Variants in NR1I2 observed in about 807,000 individuals in gnomAD.
The protein encoded by NR1I2 is nuclear receptor subfamily 1 group I member 2.
Under a neutral mutation model 43.3 loss-of-function variants are expected in NR1I2, and 42 were observed. The observed-to-expected ratio is 0.97, with a 90% confidence interval of 0.76 to 1.26. The LOEUF (loss-of-function observed/expected upper bound fraction) is 1.26. NR1I2 is among the 50% of genes most tolerant of loss of function. The probability of loss-of-function intolerance (pLI) is 0.00; values close to 1 mark genes in which losing one functional copy is unlikely to be tolerated. For missense variants in NR1I2, 559 were observed against 566.7 expected, an observed-to-expected ratio of 0.99 and a Z score of 0.14; for synonymous variants, 229 against 215.0, an observed-to-expected ratio of 1.06 and a Z score of -0.57.
chr3:119,792,559 C>A, intron 1 of NR1I2: 1 of 923,752 alleles, frequency 1.1e-6, no homozygotes, highest in Admixed American at 2.0e-5. Context: ...AGTGAGGGCC[C>A]ACCCTGCCTG....
chr3:119,807,775 T>G (rs541278692), intron 2 of NR1I2, among the ~76,000 whole-genome samples: 9 of 152,292 alleles, frequency 5.9e-5, no homozygotes, highest in Admixed American at 5.9e-4. Flanking sequence ...CTGGGGTGGT[T>G]GTTACATAAA....
intron 1 of NR1I2, among the ~76,000 whole-genome samples, chr3:119,788,586 T>C (rs575129738): frequency 6.6e-6 from 1 of 152,094 alleles, no homozygotes; most frequent in Non-Finnish European, 1.5e-5. Context: ...TACAGGCACA[T>C]GTCACCACAC....
chr3:119,811,317 G>T, intron 3 of NR1I2: 1 of 540,524 alleles, frequency 1.9e-6, no homozygotes, highest in Non-Finnish European at 3.3e-6. Flanking sequence ...CACTGCAGAG[G>T]GCAAAACACC....
In NR1I2 at chr3:119,817,067, G is replaced by A; in HGVS notation, c.1161-1G>A. 1 of 1,614,176 alleles carries A rather than the reference G, an allele frequency of 6.2e-7. No homozygotes were observed. The highest frequency in any genetic ancestry group is 8.5e-7 in the Non-Finnish European group (1 of 1,180,024). On this transcript the variant is annotated splice_acceptor_variant, in intron 8 of 8. Transcript: ENST00000393716. LOFTEE classifies it high-confidence loss of function. The stretch of plus-strand genomic sequence containing the variant: ...CAATCTTTTCTCTGGCTGGCATGCA[G>A]GTTCTTGTTCCTGAAGATCATGGCT...
At chr3:119,789,504 C>CA (rs1243274232) in intron 1 of NR1I2, among the ~76,000 whole-genome samples, 5 of 152,222 alleles carry the variant, frequency 3.3e-5, no homozygotes, top group African/African-American at 1.2e-4. Flanking sequence ...TATTCACTGC[C>CA]ATGAGAACAG....
At chr3:119,799,164 C>T (rs1386856460) in intron 1 of NR1I2, among the ~76,000 whole-genome samples, 2 of 152,196 alleles carry the variant, frequency 1.3e-5, no homozygotes, top group Non-Finnish European at 2.9e-5. Flanking sequence ...GCTAGCAGTG[C>T]ATAAGGGCTC....
At chr3:119,809,983 A>G (rs1368099858) in intron 2 of NR1I2, 78 bp from the exon 3 acceptor site, 13 of 1,579,268 alleles carry the variant, frequency 8.2e-6, no homozygotes, top group South Asian at 2.2e-5. Flanking sequence ...CTGGGGAGGG[A>G]GGTGGTATGG....
chr3:119,812,700 T>C lies in NR1I2; in HGVS notation c.534T>C (p.Leu178=), dbSNP rs1220402715. The C allele has an allele frequency of 1.2e-6, 2 of 1,614,012 alleles. No individual in the cohort carries two copies. ...ATGTGTCCTAGCTGCCAGGGGTGCT[T>C]AGCAGTGGCTGCGAGTTGCCAGAGT... is the stretch of plus-strand genomic sequence containing the variant. The change falls in exon 5 of 9, where the codon CTT becomes CTC. Residue 178 remains leucine, a synonymous_variant. Transcript: ENST00000393716.
intron 1 of NR1I2, among the ~76,000 whole-genome samples, chr3:119,795,871 G>C (rs1319704111): frequency 6.6e-6 from 1 of 152,120 alleles, no homozygotes; most frequent in Non-Finnish European, 1.5e-5. Context: ...GCAGTGTCTT[G>C]CACCTTCTAC....
At chr3:119,812,051 C>G (rs1447326599) in intron 4 of NR1I2, among the ~76,000 whole-genome samples, 1 of 152,156 alleles carries the variant, frequency 6.6e-6, no homozygotes, top group Non-Finnish European at 1.5e-5. Flanking sequence ...AATCACTGCT[C>G]TCTCCTTTAA....
At chr3:119,815,644 T>C (rs1174811386) in intron 7 of NR1I2, 82 bp from the exon 8 acceptor site, 1 of 1,275,270 alleles carries the variant, frequency 7.8e-7, no homozygotes, top group Non-Finnish European at 1.1e-6. Flanking sequence ...TGGAGGGTGG[T>C]TGGCGAGCAA....
At chr3:119,782,756 G>C in intron 1 of NR1I2, 2 of 1,613,062 alleles carry the variant, frequency 1.2e-6, no homozygotes, top group Non-Finnish European at 1.7e-6. Context: ...AAGGACAGCA[G>C]CATGACAGTC....
intron 1 of NR1I2, chr3:119,792,356 C>T (rs2107951221): frequency 7.1e-7 from 1 of 1,408,898 alleles, no homozygotes; most frequent in South Asian, 1.2e-5. Flanking sequence ...GGAAGGAGTT[C>T]ACAGAAGCAG....
In NR1I2 at chr3:119,817,675, C is replaced by T; in HGVS notation, c.*463C>T. ...TAATAGTCCTGTCTCCCACTTCCCACTCGTTCCCCTCCTCTTCCGAGCTGC... is the reference window on the plus strand; with the variant it reads ...TAATAGTCCTGTCTCCCACTTCCCATTCGTTCCCCTCCTCTTCCGAGCTGC... On this transcript the variant is annotated 3_prime_UTR_variant, in exon 9 of 9. Transcript: ENST00000393716. 9.0e-7 allele frequency: 1 copy of T among 1,116,032 alleles called. No homozygotes were observed. Among genetic ancestry groups the T allele is most frequent in the Admixed American group, 4.5e-5 (1 of 22,318 alleles). The allele number at this position is 1,116,032 out of a possible 1,614,324, so 69.1% of individuals were successfully genotyped here. A position where few individuals can be genotyped will look rare whatever the true frequency, so the allele number is the denominator to read the frequency against.
intron 1 of NR1I2, among the ~76,000 whole-genome samples, chr3:119,786,946 C>T (rs1324174813): frequency 6.6e-6 from 1 of 152,134 alleles, no homozygotes; most frequent in African/African-American, 2.4e-5. Flanking sequence ...AAACAACTTG[C>T]ATCATGTATC....
intron 1 of NR1I2, among the ~76,000 whole-genome samples, chr3:119,795,099 C>T (rs571527100): frequency 1.3e-5 from 2 of 152,348 alleles, no homozygotes; most frequent in Non-Finnish European, 2.9e-5. Context: ...ACACCACTAG[C>T]TGGGGAGTTG....
At chr3:119,783,787 C>G (rs1577265496) in intron 1 of NR1I2, among the ~76,000 whole-genome samples, 1 of 152,140 alleles carries the variant, frequency 6.6e-6, no homozygotes, top group East Asian at 1.9e-4. Context: ...ACCATTGTGT[C>G]TGTGTGTGTG....
chr3:119,784,629 A>G (rs2054819599), intron 1 of NR1I2, among the ~76,000 whole-genome samples: 3 of 152,326 alleles, frequency 2.0e-5, no homozygotes, highest in South Asian at 4.1e-4. Context: ...TTCCAAAATT[A>G]TGAAGCTACT....
intron 1 of NR1I2, among the ~76,000 whole-genome samples, chr3:119,795,328 G>A (rs545215988): frequency 1.3e-5 from 2 of 152,272 alleles, no homozygotes; most frequent in African/African-American, 2.4e-5. Context: ...GGCAGGAGAG[G>A]GACATAAAAG....
Sources: gnomAD v4.1 joint callset for allele counts (sites outside exome capture counted in the v4.1 genomes callset) on GRCh38, gnomAD v4.1.1 for gene constraint, MANE v1.5 for transcripts, NCBI Gene and HGNC (gene_info 2026-07-23, HGNC 2026-07-21) for gene names.